Variants in FLT3 observed in about 807,000 individuals in gnomAD.
FLT3 encodes the protein receptor-type tyrosine-protein kinase FLT3.
A neutral mutation model predicts 126.6 loss-of-function variants in FLT3; 46 were observed. The ratio of observed to expected loss-of-function variants is 0.36; its 90% confidence interval spans 0.29 to 0.46. FLT3 has a LOEUF of 0.46. Ranked by LOEUF, FLT3 falls within the 20% of genes least tolerant of loss-of-function variation. The pLI is 1.00. For missense variants in FLT3, 1,069 were observed against 1,190.3 expected (o/e 0.90, Z 1.50); for synonymous variants, 404 against 434.4 (o/e 0.93, Z 0.87).
intron 3 of FLT3, among the ~76,000 whole-genome samples, chr13:28,058,969 C>T (rs1354042456): frequency 4.6e-5 from 7 of 152,138 alleles, no homozygotes; most frequent in East Asian, 1.9e-4. Context: ...TATTGAGATG[C>T]CTTCCCAATA....
chr13:28,053,956 T>C (rs144224201), intron 4 of FLT3, among the ~76,000 whole-genome samples: 2 of 152,082 alleles, frequency 1.3e-5, no homozygotes, highest in Non-Finnish European at 2.9e-5. Context: ...TCAAGTGATC[T>C]TCCTGCCTTG....
At chr13:28,087,992 T>A (rs994008670) in intron 1 of FLT3, among the ~76,000 whole-genome samples, 2 of 152,218 alleles carry the variant, frequency 1.3e-5, no homozygotes, top group Non-Finnish European at 2.9e-5. Flanking sequence ...CTGGGTCCCT[T>A]TTGGGTGACT....
Position 28,035,950 on chromosome 13 carries a change from G to T in FLT3, c.1403C>A (p.Ser468Ter). The change falls in exon 11 of 24, where the codon TCA becomes TAA. Residue 468 changes from serine to a stop codon, truncating the protein, a stop_gained. Coordinates refer to ENST00000241453, the MANE Select transcript of FLT3 (RefSeq NM_004119.3). LOFTEE classifies it high-confidence loss of function. ...PLPSWTWKKC[S>*]DKSPNCTEEI... ...TCCTTATTACTTGGGAGACTTGTCTGAACACTTCTTCCAGGTCCAAGATGG... is the reference window on the plus strand; with the variant it reads ...TCCTTATTACTTGGGAGACTTGTCTTAACACTTCTTCCAGGTCCAAGATGG... 1 of 1,613,290 alleles carries T rather than the reference G, an allele frequency of 6.2e-7. No homozygotes were observed. The highest frequency in any genetic ancestry group is 1.1e-5 in the South Asian group (1 of 91,050).
intron 1 of FLT3, among the ~76,000 whole-genome samples, chr13:28,074,597 G>T (rs1877796601): frequency 6.6e-6 from 1 of 151,854 alleles, no homozygotes; most frequent in African/African-American, 2.4e-5. Context: ...TAAAATTTTG[G>T]CCTTTCTAAT....
rs572372764 is a variant in FLT3 at position 28,092,563 on chromosome 13, A to G, written c.43+7905T>C. Reference sequence around the variant, plus strand: ...TTGACTACTTGATAATTCTCAAAGCAATTCTCAGCTCCACATCTCTATCAC... The same window carrying G: ...TTGACTACTTGATAATTCTCAAAGCGATTCTCAGCTCCACATCTCTATCAC... On this transcript the variant is annotated intron_variant, in intron 1 of 23. Transcript: ENST00000241453. Among the ~76,000 whole-genome samples the G allele has an allele frequency of 2.6e-5, 4 of 152,034 alleles. No homozygotes were observed. The South Asian group carries it at 8.3e-4, about 32-fold the overall frequency.
At chr13:28,027,421 T>C (rs1034983208) in intron 16 of FLT3, among the ~76,000 whole-genome samples, 180 bp from the exon 17 acceptor site, 4 of 152,206 alleles carry the variant, frequency 2.6e-5, no homozygotes, top group Non-Finnish European at 2.9e-5. Context: ...TTTGCTCAAA[T>C]TTCTTTGGAA....
intron 1 of FLT3, among the ~76,000 whole-genome samples, chr13:28,072,594 C>T (rs932926281): frequency 6.6e-6 from 1 of 152,168 alleles, no homozygotes; most frequent in African/African-American, 2.4e-5. Flanking sequence ...ACAGCATTCA[C>T]CTTGCTGGCC....
At chr13:28,046,276 G>A (rs1382672160) in intron 9 of FLT3, among the ~76,000 whole-genome samples, 2 of 152,294 alleles carry the variant, frequency 1.3e-5, no homozygotes, top group African/African-American at 2.4e-5. Flanking sequence ...TGCAAACCCT[G>A]CACTGAGATT....
intron 1 of FLT3, among the ~76,000 whole-genome samples, chr13:28,075,723 T>TAA (rs905193442): frequency 1.2e-5 from 1 of 82,224 alleles, no homozygotes. Flanking sequence ...AGGCTCTGTC[T>TAA]AAAAAAAAAA....
Position 28,034,415 on chromosome 13 carries a change from A to T in FLT3, c.1598-8T>A. 1 of 1,589,962 alleles carries T rather than the reference A, an allele frequency of 6.3e-7. No individual in the cohort carries two copies. Among genetic ancestry groups the T allele is most frequent in the Non-Finnish European group, 8.6e-7 (1 of 1,158,294 alleles). The stretch of plus-strand genomic sequence containing the variant: ...GGATGAAAGGGAAGGGGCCTGCAAC[A>T]AAAGAGTGTCACTCAGCGATGAAAC... On this transcript the variant is annotated splice_region_variant and splice_polypyrimidine_tract_variant and intron_variant, in intron 12 of 23. Coordinates refer to ENST00000241453, the MANE Select transcript of FLT3 (RefSeq NM_004119.3).
intron 9 of FLT3, among the ~76,000 whole-genome samples, chr13:28,042,492 T>A (rs2387346): frequency 0.61 from 85,664 of 141,498 alleles, 24,286 homozygotes; most frequent in East Asian, 0.74. Context: ...ATGTGTTTTT[T>A]TAAGGCAATT....
At chr13:28,047,345 C>T (rs1301897319) in intron 9 of FLT3, among the ~76,000 whole-genome samples, 1 of 152,150 alleles carries the variant, frequency 6.6e-6, no homozygotes, top group East Asian at 1.9e-4. Flanking sequence ...CAAGAGATGT[C>T]ATAACTATAG....
intron 19 of FLT3, among the ~76,000 whole-genome samples, chr13:28,019,257 G>A (rs1420239013): frequency 1.3e-5 from 2 of 152,120 alleles, no homozygotes; most frequent in African/African-American, 4.8e-5. Flanking sequence ...GTGAGCCACC[G>A]CGCCTGGCCA....
At chr13:28,010,998 G>A (rs1317735691) in intron 23 of FLT3, among the ~76,000 whole-genome samples, 1 of 150,610 alleles carries the variant, frequency 6.6e-6, no homozygotes, top group African/African-American at 2.4e-5. Context: ...GTGAGACTCT[G>A]TCTAAAAAAA....
chr13:28,026,981 C>T (rs960572717), intron 17 of FLT3, 107 bp downstream of exon 17: 2 of 922,368 alleles, frequency 2.2e-6, no homozygotes, highest in Admixed American at 4.5e-5. Flanking sequence ...GCAGGACCCA[C>T]AGACTTCACG....
chr13:28,050,520 G>A (rs1408551383), intron 5 of FLT3, among the ~76,000 whole-genome samples: 5 of 151,722 alleles, frequency 3.3e-5, no homozygotes, highest in African/African-American at 1.2e-4. Context: ...GGAAAGAAAG[G>A]GAAAAAAATG....
rs555117910 is a variant in FLT3, at chr13:28,005,353, T to A, written c.2860-1179A>T. 1.1e-3 allele frequency among the ~76,000 whole-genome samples: 154 copies of A among 144,304 alleles called. 1 individual carries two copies. Among genetic ancestry groups the A allele is most frequent in the African/African-American group, 4.3e-3 (148 of 34,408 alleles). 94.7% of individuals were successfully genotyped at this position (144,304 alleles called of 152,430 possible). On this transcript the variant is annotated intron_variant, in intron 23 of 23. Transcript: ENST00000241453. Reference sequence around the variant, plus strand: ...CAAAAAAAAGAAAAAAGGCTACAAGTCATGACAAGTACCCGCCATTATAGA... The same window carrying A: ...CAAAAAAAAGAAAAAAGGCTACAAGACATGACAAGTACCCGCCATTATAGA...
chr13:28,080,159 T>G (rs1417038521), intron 1 of FLT3, among the ~76,000 whole-genome samples: 2 of 152,162 alleles, frequency 1.3e-5, no homozygotes, highest in Non-Finnish European at 2.9e-5. Context: ...GTGGATCACC[T>G]GAGGTCAGGA....
Position 28,035,988 on chromosome 13 carries a change from A to C in FLT3, c.1365T>G (p.Asp455Glu), listed in dbSNP as rs1465017434. Residue 455 changes from aspartate to glutamate, a missense_variant, in exon 11 of 24, where the codon GAT becomes GAG. Asp to Glu is a conservative substitution (Grantham distance 45, BLOSUM62 2). Coordinates refer to ENST00000241453, the MANE Select transcript of FLT3 (RefSeq NM_004119.3). ...ASASQASCFS[D>E]GYPLPSWTWK... ...AGGTCCAAGATGGTAATGGGTATCC[A>C]TCCGAGAAACAGGACGCCTGACTTG... is the stretch of plus-strand genomic sequence containing the variant. The C allele has an allele frequency of 6.2e-7, 1 of 1,614,234 alleles. No homozygotes were observed. Among genetic ancestry groups the C allele is most frequent in the Non-Finnish European group, 8.5e-7 (1 of 1,180,042 alleles).
Sources: gnomAD v4.1 joint callset for allele counts (sites outside exome capture counted in the v4.1 genomes callset) on GRCh38, gnomAD v4.1.1 for gene constraint, MANE v1.5 for transcripts, NCBI Gene and HGNC (gene_info 2026-07-23, HGNC 2026-07-21) for gene names.